VAV2: variants seen among roughly 807,000 people sequenced by gnomAD.
VAV2 encodes vav guanine nucleotide exchange factor 2, also known as guanine nucleotide exchange factor VAV2.
VAV2 carries 67 observed loss-of-function variants against 132.5 expected under a neutral mutation model. The ratio of observed to expected loss-of-function variants is 0.51; its 90% CI spans 0.42 to 0.62. The LOEUF is 0.62. Among genes scored for constraint, VAV2 ranks in the 20% least tolerant of loss-of-function variants. The probability of loss-of-function intolerance (pLI) is 0.00; values close to 1 mark genes in which losing one functional copy is unlikely to be tolerated. For missense variants in VAV2, 938 were observed against 1,153.6 expected, an observed-to-expected ratio of 0.81 and a Z score of 2.71; for synonymous variants, 492 against 443.5, an observed-to-expected ratio of 1.11 and a Z score of -1.37.
chr9:133,957,280 T>C (rs538427040), intron 1 of VAV2, among the ~76,000 whole-genome samples: 7 of 151,986 alleles, frequency 4.6e-5, no homozygotes, highest in Non-Finnish European at 8.8e-5. Context: ...GGTTTGTTTT[T>C]TTCTCCCAGT....
chr9:133,794,231 G>A lies in VAV2; in HGVS notation c.1101+1437C>T, dbSNP rs1244194049. Among the ~76,000 whole-genome samples, 1 of 152,164 alleles carries A rather than the reference G, an allele frequency of 6.6e-6. No individual in the cohort carries two copies. The highest frequency in any genetic ancestry group is 6.5e-5 in the Admixed American group (1 of 15,282). On this transcript the variant is annotated intron_variant, in intron 12 of 29. Coordinates refer to ENST00000371850, the MANE Select transcript of VAV2 (RefSeq NM_001134398.2). The surrounding 1 kb of genome is among the most constrained non-coding windows in gnomAD (Gnocchi z 4.6). ...CGTGGCTCACAGCAGACAGGCCAGA[G>A]CAGGTGTTGGAGAGGGGCGGCTTGG...
At chr9:133,937,083 G>A (rs749924652) in intron 2 of VAV2, among the ~76,000 whole-genome samples, 53 of 152,308 alleles carry the variant, frequency 3.5e-4, no homozygotes, top group Non-Finnish European at 5.1e-4. Flanking sequence ...TACTGAATAC[G>A]CTGCATTTTA....
chr9:133,913,956 GGA>G (rs1839969452), intron 2 of VAV2, among the ~76,000 whole-genome samples: 1 of 152,212 alleles, frequency 6.6e-6, no homozygotes, highest in African/African-American at 2.4e-5. Flanking sequence ...CCACCTCCCT[GGA>G]GCTCTTCGAA....
At chr9:133,957,148 G>T (rs537364162) in intron 1 of VAV2, among the ~76,000 whole-genome samples, 1 of 152,320 alleles carries the variant, frequency 6.6e-6, no homozygotes, top group African/African-American at 2.4e-5. Context: ...TGCTTTACCA[G>T]GTGGGGAAAC....
rs1359071654 is a variant in VAV2, at chr9:133,823,776, T to C, written c.449+10496A>G. ...GACTGCATTAAATGAGACCAGAGAG[T>C]TGCTGTGACCGAATCAGTCCTGAAA... On this transcript the variant is annotated intron_variant, in intron 4 of 29. Transcript: ENST00000371850. This position sits in a 1 kb window ranked among gnomAD's most constrained non-coding sequence, Gnocchi z 5.5. Among the ~76,000 whole-genome samples, 4 of 152,016 alleles carry C rather than the reference T, an allele frequency of 2.6e-5. No homozygotes were observed. In the East Asian group the frequency reaches 7.7e-4, roughly 29 times the overall value.
rs78485071 is a variant in VAV2, at chr9:133,784,140, A to C, written c.1634+177T>G. Among the ~76,000 whole-genome samples, 591 of 152,232 alleles carry C rather than the reference A, an allele frequency of 3.9e-3. 7 individuals carry two copies. The highest frequency in any genetic ancestry group is 0.013 in the African/African-American group (555 of 41,524). On this transcript the variant is annotated intron_variant, in intron 18 of 29. Transcript: ENST00000371850. ...AGCGATTCGCCTGCCTCAGCCTCCCAAAGTGCTGAGACTTGAGCCACCATG... is the reference window on the plus strand; with the variant it reads ...AGCGATTCGCCTGCCTCAGCCTCCCCAAGTGCTGAGACTTGAGCCACCATG...
At chr9:133,949,301 G>C (rs141843700) in intron 1 of VAV2, among the ~76,000 whole-genome samples, 1 of 152,080 alleles carries the variant, frequency 6.6e-6, no homozygotes, top group South Asian at 2.1e-4. Context: ...ACCCAATTCC[G>C]GTGCCTTCCA....
chr9:133,963,242 ATCAG>A (rs1003979922), intron 1 of VAV2, among the ~76,000 whole-genome samples: 5 of 152,182 alleles, frequency 3.3e-5, no homozygotes, highest in African/African-American at 4.8e-5. Flanking sequence ...TCAATTAATG[ATCAG>A]TCAATCAGGG....
At chr9:133,797,582 A>G (rs1456024131) in intron 10 of VAV2, 128 bp downstream of exon 10, 15 of 817,050 alleles carry the variant, frequency 1.8e-5, no homozygotes, top group South Asian at 1.1e-4. Flanking sequence ...ACAAAAAACC[A>G]TTACGTCATC....
chr9:133,830,428 G>A (rs143395406), intron 4 of VAV2, among the ~76,000 whole-genome samples: 3 of 152,212 alleles, frequency 2.0e-5, no homozygotes, highest in Admixed American at 6.5e-5. Context: ...CCCTCGTATC[G>A]CTCATACCAT....
chr9:133,907,723 G>A (rs1289611829), intron 2 of VAV2, among the ~76,000 whole-genome samples: 3 of 152,234 alleles, frequency 2.0e-5, no homozygotes, highest in Non-Finnish European at 4.4e-5. Context: ...GCCAGCCTTT[G>A]TAAAGAAATG....
Position 133,791,780 on chromosome 9 carries a change from C to A in VAV2, c.1188+3G>T. On this transcript the variant is annotated splice_donor_region_variant and intron_variant, in intron 13 of 29. Coordinates refer to ENST00000371850, the MANE Select transcript of VAV2 (RefSeq NM_001134398.2). ...CCTAGCCTGAAGAGTCAGTCTCACT[C>A]ACCAAATTTTCTATAGAACTCTGAA... is the stretch of plus-strand genomic sequence containing the variant. The A allele has an allele frequency of 6.2e-7, 1 of 1,613,994 alleles. No homozygotes were observed. The highest frequency in any genetic ancestry group is 8.5e-7 in the Non-Finnish European group (1 of 1,179,838).
At chr9:133,779,973 G>A (rs1833948829) in intron 20 of VAV2, 34 bp from the exon 21 acceptor site, 1 of 1,611,282 alleles carries the variant, frequency 6.2e-7, no homozygotes, top group African/African-American at 1.3e-5. Context: ...AGAGATGAGG[G>A]AAGGCTGCTC....
chr9:133,795,824 G>A, intron 11 of VAV2, 88 bp from the exon 12 acceptor site: 1 of 1,454,050 alleles, frequency 6.9e-7, no homozygotes, highest in Non-Finnish European at 9.5e-7. Context: ...GGTGTGCACA[G>A]AACCAAGTCC....
intron 2 of VAV2, among the ~76,000 whole-genome samples, chr9:133,864,549 T>G (rs7048686): frequency 0.034 from 5,157 of 152,146 alleles, 278 homozygotes; most frequent in African/African-American, 0.12. Flanking sequence ...CGGCAGCCCG[T>G]CAGCCTCCAC....
At chr9:133,977,741 CCA>C (rs1842560007) in intron 1 of VAV2, among the ~76,000 whole-genome samples, 1 of 152,246 alleles carries the variant, frequency 6.6e-6, no homozygotes, top group African/African-American at 2.4e-5. Flanking sequence ...CGGACGCCAA[CCA>C]CAGACACGCC....
At chr9:133,874,977 G>A (rs916607152) in intron 2 of VAV2, among the ~76,000 whole-genome samples, 1 of 152,148 alleles carries the variant, frequency 6.6e-6, no homozygotes, top group African/African-American at 2.4e-5. Flanking sequence ...TCTAGAAATG[G>A]GTGCGTCTCA....
Position 133,912,508 on chromosome 9 carries a change from G to A in VAV2, c.321+26595C>T, listed in dbSNP as rs1170693693. ...TCAACACCCATATGTCACTGGTGCT[G>A]GGTCCGAGCATGGGAGCTGCAGCCA... On this transcript the variant is annotated intron_variant, in intron 2 of 29. Transcript: ENST00000371850. This position sits in a 1 kb window ranked among gnomAD's most constrained non-coding sequence, Gnocchi z 4.3. Among the ~76,000 whole-genome samples the A allele has an allele frequency of 2.6e-5, 4 of 152,292 alleles. No homozygotes were observed. In the East Asian group the frequency reaches 5.8e-4, roughly 22 times the overall value.
chr9:133,924,359 G>C (rs915726419), intron 2 of VAV2, among the ~76,000 whole-genome samples: 2 of 152,048 alleles, frequency 1.3e-5, no homozygotes. Context: ...GCTAATTTTT[G>C]TATTTTTAGT....
Sources: allele counts gnomAD v4.1 joint callset (sites outside exome capture counted in the v4.1 genomes callset), GRCh38; gene constraint gnomAD v4.1.1; non-coding constraint Gnocchi (gnomAD v3.1); transcripts MANE v1.5; gene names NCBI Gene and HGNC (gene_info 2026-07-23, HGNC 2026-07-21).